The following TFG variants were observed in gnomAD, a reference collection of about 807,000 sequenced individuals.
TFG encodes the protein trafficking from ER to golgi regulator.
TFG carries 22 observed loss-of-function variants against 51.4 expected under a neutral mutation model. That is an observed-to-expected ratio of 0.43 (90% CI 0.31 to 0.61). The LOEUF is 0.61. TFG is among the 20% of genes least tolerant of loss of function. TFG has a pLI of 0.12. For synonymous variants in TFG, 187 were observed against 165.6 expected (o/e 1.13, Z -0.99); for missense variants, 419 against 487.7 (o/e 0.86, Z 1.33).
intron 5 of TFG, among the ~76,000 whole-genome samples, chr3:100,734,639 T>C (rs1332279716): frequency 1.3e-5 from 2 of 152,204 alleles, no homozygotes; most frequent in Non-Finnish European, 2.9e-5. Flanking sequence ...AGTTGTTACC[T>C]GGGAGAGAGT....
intron 1 of TFG, among the ~76,000 whole-genome samples, chr3:100,711,923 C>T (rs2095032448): frequency 6.6e-6 from 1 of 152,024 alleles, no homozygotes; most frequent in African/African-American, 2.4e-5. Flanking sequence ...TTGCAGAAGG[C>T]GAAGAGTTGG....
chr3:100,748,221 A>G lies in TFG; in HGVS notation c.893A>G (p.Gln298Arg), dbSNP rs767297003. ...GGATATGGCCAGCAACCAACTTCCC[A>G]GGCACCAGCTCCTGCCTTTTCTGGT... ...FQGYGQQPTSQAPAPAFSGQP... is the reference protein window; with the variant it reads ...FQGYGQQPTSRAPAPAFSGQP... The change falls in exon 8 of 8, where the codon CAG becomes CGG. Residue 298 changes from glutamine (Q) to arginine (R), a missense_variant. Physicochemically the swap from Gln to Arg is conservative, Grantham distance 43. Around this residue, in one of 3 missense-constraint regions of TFG, gnomAD observed 391 missense variants for 434.4 expected, o/e 0.90. Coordinates refer to ENST00000240851, the MANE Select transcript of TFG (RefSeq NM_006070.6). 19 of 1,614,016 alleles carry G rather than the reference A, an allele frequency of 1.2e-5. No individual in the cohort carries two copies. In the South Asian group the frequency reaches 1.8e-4, roughly 15 times the overall value.
rs746086227 is a variant in TFG at position 100,728,746 on chromosome 3, G to A, written c.303G>A (p.Gln101=). 5 of 1,611,236 alleles carry A rather than the reference G, an allele frequency of 3.1e-6. No homozygotes were observed. Among genetic ancestry groups the A allele is most frequent in the Non-Finnish European group, 4.2e-6 (5 of 1,178,794 alleles). ...AGCCAAGACCCCTTGAATCAAGTCAGGTGAAATATCTCCGTCGAGAACTGA... is the reference window on the plus strand; with the variant it reads ...AGCCAAGACCCCTTGAATCAAGTCAAGTGAAATATCTCCGTCGAGAACTGA... ...NGQPRPLESS[Q]VKYLRRELIE... is the part of the protein sequence containing the mutation. The change falls in exon 4 of 8, where the codon CAG becomes CAA. Residue 101 remains glutamine (Q), a synonymous_variant. Coordinates refer to ENST00000240851, the MANE Select transcript of TFG (RefSeq NM_006070.6).
chr3:100,747,976 T>C (rs928754843), intron 7 of TFG, among the ~76,000 whole-genome samples, 173 bp from the exon 8 acceptor site: 3 of 152,198 alleles, frequency 2.0e-5, no homozygotes, highest in Non-Finnish European at 4.4e-5. Context: ...GAATGCCTCT[T>C]TGATAACTAC....
chr3:100,719,150 C>G (rs1199994817), intron 2 of TFG, among the ~76,000 whole-genome samples: 2 of 152,044 alleles, frequency 1.3e-5, no homozygotes, highest in African/African-American at 4.8e-5. Context: ...AAAATAAATC[C>G]AACTAATTAG....
intron 5 of TFG, among the ~76,000 whole-genome samples, chr3:100,734,703 A>G (rs2095101806): frequency 1.3e-5 from 2 of 152,126 alleles, no homozygotes; most frequent in Non-Finnish European, 2.9e-5. Flanking sequence ...TGTACAGTCC[A>G]TTTTGTATTT....
At chr3:100,723,809 C>G (rs943836536) in intron 3 of TFG, among the ~76,000 whole-genome samples, 1 of 150,928 alleles carries the variant, frequency 6.6e-6, no homozygotes, top group African/African-American at 2.4e-5. Flanking sequence ...TCTTGTACAT[C>G]TAGCAGTTAG....
intron 5 of TFG, 85 bp from the exon 6 acceptor site, chr3:100,736,491 T>C: frequency 6.9e-7 from 1 of 1,452,092 alleles, no homozygotes; most frequent in Admixed American, 2.0e-5. Flanking sequence ...GTACTTTTAG[T>C]ATCTTTTAAC....
intron 6 of TFG, among the ~76,000 whole-genome samples, chr3:100,741,403 G>C (rs1277085263): frequency 6.6e-6 from 1 of 151,958 alleles, no homozygotes; most frequent in Non-Finnish European, 1.5e-5. Flanking sequence ...GTTTAAAAAA[G>C]TAAAAATTTA....
chr3:100,716,358 G>C (rs1327031551), intron 2 of TFG, among the ~76,000 whole-genome samples: 1 of 152,116 alleles, frequency 6.6e-6, no homozygotes. Flanking sequence ...ATGTTGCTGT[G>C]AATGACAGGA....
At chr3:100,730,355 C>A (rs2095088145) in intron 4 of TFG, among the ~76,000 whole-genome samples, 1 of 152,084 alleles carries the variant, frequency 6.6e-6, no homozygotes, top group Non-Finnish European at 1.5e-5. Context: ...TTTATACATA[C>A]TGTTAGCTTT....
At chr3:100,736,810 C>A in intron 6 of TFG, 94 bp downstream of exon 6, 13 of 1,341,010 alleles carry the variant, frequency 9.7e-6, no homozygotes, top group South Asian at 7.0e-5. Context: ...TTTAGTCATG[C>A]CTTAAACACA....
chr3:100,743,442 A>G (rs2095126864), intron 6 of TFG: 1 of 152,190 alleles, frequency 6.6e-6, no homozygotes, highest in African/African-American at 2.4e-5. Context: ...GGTGGCATCT[A>G]AATTTGGTTA....
At chr3:100,728,949 A>T (rs2095083727) in intron 4 of TFG, 91 bp downstream of exon 4, 9 of 1,131,902 alleles carry the variant, frequency 8.0e-6, no homozygotes, top group Non-Finnish European at 1.1e-5. Context: ...GAAGGATGGC[A>T]TCCCCAATGT....
chr3:100,717,351 C>G (rs1284513704), intron 2 of TFG, among the ~76,000 whole-genome samples: 1 of 152,122 alleles, frequency 6.6e-6, no homozygotes, highest in Non-Finnish European at 1.5e-5. Flanking sequence ...ACACCTTCAG[C>G]TTTGTTCTTT....
intron 4 of TFG, among the ~76,000 whole-genome samples, chr3:100,730,447 T>C (rs2095088387): frequency 6.6e-6 from 1 of 152,240 alleles, no homozygotes. Flanking sequence ...TTTTCTTGTA[T>C]GGCCATTTTC....
intron 6 of TFG, among the ~76,000 whole-genome samples, chr3:100,738,854 G>T (rs1203868220): frequency 6.6e-6 from 1 of 152,066 alleles, no homozygotes; most frequent in African/African-American, 2.4e-5. Flanking sequence ...TTTAAGAAAA[G>T]GTAAAATTAA....
chr3:100,727,117 T>A (rs1467599621), intron 3 of TFG, among the ~76,000 whole-genome samples: 1 of 152,226 alleles, frequency 6.6e-6, no homozygotes, highest in East Asian at 1.9e-4. Flanking sequence ...GATTATAGTC[T>A]TGTGTGATGT....
At chr3:100,726,244 C>T (rs2095075400) in intron 3 of TFG, among the ~76,000 whole-genome samples, 1 of 152,204 alleles carries the variant, frequency 6.6e-6, no homozygotes, top group South Asian at 2.1e-4. Flanking sequence ...AAGCATCTGG[C>T]ATAGGAGGGA....
Sources: allele counts gnomAD v4.1 joint callset (sites outside exome capture counted in the v4.1 genomes callset), GRCh38; gene constraint gnomAD v4.1.1; regional missense constraint gnomAD v4.1.1; transcripts MANE v1.5; gene names NCBI Gene and HGNC (gene_info 2026-07-23, HGNC 2026-07-21).